TNR: variants seen among roughly 807,000 people sequenced by gnomAD.
TNR encodes the protein tenascin-R.
In TNR, 45 loss-of-function variants were observed where a neutral mutation model predicts 150.4. The observed-to-expected ratio is 0.30, with a 90% CI of 0.24 to 0.38. TNR has a LOEUF of 0.38. TNR is among the 10% of genes least tolerant of loss of function. TNR has a pLI of 1.00. For missense variants in TNR, 1,544 were observed against 1,759.1 expected (o/e 0.88, Z 2.19); for synonymous variants, 687 against 678.4 (o/e 1.01, Z -0.20).
rs553700652 is a variant in TNR, at chr1:175,361,887, G to T, written c.2854+776C>A. ...GAGGGGCCAGAGACGGAGGAGCAGT[G>T]GTGCTAGCAAAGGAGCCTTCTCTTC... On this transcript the variant is annotated intron_variant, in intron 14 of 22. Transcript: ENST00000367674. Among the ~76,000 whole-genome samples the T allele has an allele frequency of 2.5e-4, 38 of 152,294 alleles. No individual in the cohort carries two copies. The South Asian group carries it at 7.1e-3, about 28-fold the overall frequency.
intron 1 of TNR, among the ~76,000 whole-genome samples, chr1:175,685,076 C>G (rs1666148344): frequency 6.6e-6 from 1 of 152,160 alleles, no homozygotes; most frequent in Non-Finnish European, 1.5e-5. Context: ...TTCTCCTCCA[C>G]TCTTCAATAC....
intron 2 of TNR, among the ~76,000 whole-genome samples, chr1:175,420,375 A>G (rs995743098): frequency 6.6e-6 from 1 of 152,242 alleles, no homozygotes; most frequent in East Asian, 1.9e-4. Context: ...CCAAAGTGAT[A>G]CAAGATACAG....
intron 1 of TNR, among the ~76,000 whole-genome samples, chr1:175,545,604 A>T (rs543465971): frequency 6.6e-6 from 1 of 152,298 alleles, no homozygotes; most frequent in East Asian, 1.9e-4. Context: ...TAGCAAACAC[A>T]TAGTGCTCAC....
chr1:175,491,754 G>T (rs1343690788), intron 2 of TNR, among the ~76,000 whole-genome samples: 1 of 147,336 alleles, frequency 6.8e-6, no homozygotes, highest in African/African-American at 2.5e-5. Flanking sequence ...GGTTCACGCC[G>T]TTCTCCTGCC....
chr1:175,623,771 T>C (rs1457972667), intron 1 of TNR, among the ~76,000 whole-genome samples: 2 of 152,206 alleles, frequency 1.3e-5, no homozygotes, highest in Non-Finnish European at 1.5e-5. Flanking sequence ...GATGATAAAA[T>C]GCTAGGGGAA....
At chr1:175,722,349 T>C (rs1305620411) in intron 1 of TNR, among the ~76,000 whole-genome samples, 2 of 152,224 alleles carry the variant, frequency 1.3e-5, no homozygotes, top group African/African-American at 4.8e-5. Context: ...TCCAAGTTGC[T>C]GACAGGGAAA....
intron 1 of TNR, among the ~76,000 whole-genome samples, chr1:175,590,753 G>A (rs1297636963): frequency 1.3e-5 from 2 of 152,246 alleles, no homozygotes; most frequent in Non-Finnish European, 2.9e-5. Context: ...ATTCCAACCA[G>A]CAAGGTGAAA....
intron 2 of TNR, among the ~76,000 whole-genome samples, chr1:175,468,368 T>C (rs999734933): frequency 1.3e-5 from 2 of 152,204 alleles, no homozygotes; most frequent in Admixed American, 6.5e-5. Flanking sequence ...GGTGACGCAT[T>C]GAAGGCATCT....
chr1:175,726,367 G>T (rs1346162680), intron 1 of TNR, among the ~76,000 whole-genome samples: 2 of 152,196 alleles, frequency 1.3e-5, no homozygotes, highest in Admixed American at 1.3e-4. Flanking sequence ...CCAGGTTGCT[G>T]CTGATTAATA....
rs146431431 is a variant in TNR, at chr1:175,715,743, C to T, written c.-165+27483G>A. ...GAATAGGAATTCATCTTTGGGATGG[C>T]TCAGAATAAATGACTTATTTGTGAT... is the stretch of plus-strand genomic sequence containing the variant. On this transcript the variant is annotated intron_variant, in intron 1 of 22. Transcript: ENST00000367674. Among the ~76,000 whole-genome samples the T allele has an allele frequency of 1.3e-3, 198 of 152,310 alleles. 1 individual carries two copies. The highest frequency in any genetic ancestry group is 4.6e-3 in the African/African-American group (191 of 41,564).
At chr1:175,328,761 A>AAGGGCC (rs1649553845) in intron 21 of TNR, among the ~76,000 whole-genome samples, 1 of 152,152 alleles carries the variant, frequency 6.6e-6, no homozygotes, top group Non-Finnish European at 1.5e-5. Context: ...CAGAGGGAGC[A>AAGGGCC]AGGGCCAGGC....
At chr1:175,669,792 A>G (rs980348225) in intron 1 of TNR, among the ~76,000 whole-genome samples, 1 of 152,222 alleles carries the variant, frequency 6.6e-6, no homozygotes, top group Non-Finnish European at 1.5e-5. Flanking sequence ...GTTCCCTTCC[A>G]AATACCAATC....
chr1:175,647,717 G>C (rs1180659030), intron 1 of TNR, among the ~76,000 whole-genome samples: 2 of 152,158 alleles, frequency 1.3e-5, no homozygotes, highest in Admixed American at 6.5e-5. Context: ...TAGCTCTCAG[G>C]CATTCTTGAC....
chr1:175,367,305 T>G lies in TNR; in HGVS notation c.1964-8A>C, dbSNP rs1178044573. On this transcript the variant is annotated splice_polypyrimidine_tract_variant and splice_region_variant and intron_variant, in intron 9 of 22. Coordinates refer to ENST00000367674, the MANE Select transcript of TNR (RefSeq NM_003285.3). ...CAGTGCCAGGTACCAGATCTATCAG[T>G]GGATGGAGAAACAAACATTATTCTG... The G allele has an allele frequency of 6.2e-7, 1 of 1,612,884 alleles. No homozygotes were observed. The highest frequency in any genetic ancestry group is 8.5e-7 in the Non-Finnish European group (1 of 1,179,032).
intron 2 of TNR, among the ~76,000 whole-genome samples, chr1:175,519,191 G>T (rs1023771002): frequency 2.6e-5 from 4 of 152,086 alleles, no homozygotes; most frequent in Non-Finnish European, 5.9e-5. Flanking sequence ...TACAGTTACC[G>T]CTCTGACTCT....
chr1:175,697,700 T>C (rs1276923329), intron 1 of TNR, among the ~76,000 whole-genome samples: 1 of 152,238 alleles, frequency 6.6e-6, no homozygotes, highest in East Asian at 1.9e-4. Context: ...TGGTGGCTGA[T>C]ATTCAGCCTC....
intron 2 of TNR, among the ~76,000 whole-genome samples, chr1:175,458,607 G>A (rs886782035): frequency 7.2e-5 from 11 of 152,214 alleles, no homozygotes; most frequent in South Asian, 4.2e-4. Flanking sequence ...AGGACACCTC[G>A]TCCCAAAGTC....
At chr1:175,352,995 C>T (rs1651127865) in intron 18 of TNR, among the ~76,000 whole-genome samples, 1 of 151,974 alleles carries the variant, frequency 6.6e-6, no homozygotes, top group South Asian at 2.1e-4. Context: ...CATTCTGGTG[C>T]TCTGACATGG....
intron 1 of TNR, among the ~76,000 whole-genome samples, chr1:175,545,806 G>C (rs1660663123): frequency 6.6e-6 from 1 of 152,206 alleles, no homozygotes; most frequent in Non-Finnish European, 1.5e-5. Context: ...CAGCTTCAGA[G>C]AGCGGGTCCT....
Sources: gnomAD v4.1 joint callset for allele counts (sites outside exome capture counted in the v4.1 genomes callset) on GRCh38, gnomAD v4.1.1 for gene constraint, MANE v1.5 for transcripts, NCBI Gene and HGNC (gene_info 2026-07-23, HGNC 2026-07-21) for gene names.